The following RPIA variants were observed in gnomAD, a reference collection of about 807,000 sequenced individuals.
RPIA encodes ribose-5-phosphate isomerase.
RPIA carries 29 observed loss-of-function variants against 37.8 expected under a neutral mutation model. The ratio of observed to expected loss-of-function variants is 0.77; its 90% CI spans 0.57 to 1.05. The LOEUF is 1.05. RPIA is among the 50% of genes least tolerant of loss of function. RPIA has a pLI of 0.00. For synonymous variants in RPIA, 167 were observed against 157.0 expected (o/e 1.06, Z -0.48); for missense variants, 385 against 413.6 (o/e 0.93, Z 0.60).
chr2:88,729,577 G>C (rs967198024), intron 4 of RPIA, among the ~76,000 whole-genome samples: 2 of 152,200 alleles, frequency 1.3e-5, no homozygotes, highest in African/African-American at 4.8e-5. Context: ...TGTAGTGAAG[G>C]GAAGTGGGCA....
At chr2:88,741,576 C>T (rs1018262143) in intron 8 of RPIA, among the ~76,000 whole-genome samples, 1 of 152,198 alleles carries the variant, frequency 6.6e-6, no homozygotes, top group Non-Finnish European at 1.5e-5. Flanking sequence ...TTCTTTTCCT[C>T]TGGGTAGATA....
At position 88,750,231 on chromosome 2, in the gene RPIA, CTTATGA is replaced by C; in HGVS notation, c.*154_*159del. 1 of 617,346 alleles carries C rather than the reference CTTATGA, an allele frequency of 1.6e-6. No individual in the cohort carries two copies. The allele number at this position is 617,346 out of a possible 1,614,324, so 38.2% of individuals were successfully genotyped here. Reference sequence around the variant, plus strand: ...AGTGGGAGGGGGAGTTAAATCCAGTCTTATGAAGTATTGTTATTAAATGTCTTTTTA... The same window carrying C: ...AGTGGGAGGGGGAGTTAAATCCAGTCAGTATTGTTATTAAATGTCTTTTTA... On this transcript the variant is annotated 3_prime_UTR_variant, in exon 9 of 9. Transcript: ENST00000283646.
At chr2:88,718,663 G>A (rs1673065999) in intron 3 of RPIA, among the ~76,000 whole-genome samples, 1 of 152,196 alleles carries the variant, frequency 6.6e-6, no homozygotes, top group Non-Finnish European at 1.5e-5. Flanking sequence ...CACCATTCAA[G>A]TTAAAGCCTT....
chr2:88,729,090 C>T (rs937284208), intron 3 of RPIA, among the ~76,000 whole-genome samples, 188 bp from the exon 4 acceptor site: 2 of 152,224 alleles, frequency 1.3e-5, no homozygotes, highest in African/African-American at 4.8e-5. Context: ...CTTTTCCCAG[C>T]TCCCAGGTTG....
intron 3 of RPIA, among the ~76,000 whole-genome samples, chr2:88,724,268 A>G (rs1375495073): frequency 6.6e-6 from 1 of 152,054 alleles, no homozygotes; most frequent in Non-Finnish European, 1.5e-5. Flanking sequence ...AATTGAAAGA[A>G]ACTTTTGCCT....
intron 4 of RPIA, 61 bp downstream of exon 4, chr2:88,729,398 A>G (rs1673238049): frequency 1.4e-6 from 2 of 1,463,904 alleles, no homozygotes; most frequent in Non-Finnish European, 1.9e-6. Context: ...TATGGCTGTC[A>G]CTTGTTCATG....
chr2:88,722,498 G>A (rs192052643), intron 3 of RPIA, among the ~76,000 whole-genome samples: 25 of 152,074 alleles, frequency 1.6e-4, no homozygotes, highest in Admixed American at 8.5e-4. Context: ...TGCAAAATTC[G>A]GAGACAGTGA....
At chr2:88,722,177 G>A (rs1201406203) in intron 3 of RPIA, among the ~76,000 whole-genome samples, 2 of 150,722 alleles carry the variant, frequency 1.3e-5, no homozygotes, top group African/African-American at 4.9e-5. Flanking sequence ...TTTTTTTATA[G>A]CTTTCTTTAC....
intron 3 of RPIA, among the ~76,000 whole-genome samples, chr2:88,710,941 C>T (rs2104092354): frequency 6.6e-6 from 1 of 152,322 alleles, no homozygotes; most frequent in Non-Finnish European, 1.5e-5. Context: ...GAGAAACTCG[C>T]CTGCTGAAGC....
At chr2:88,696,552 G>GTA (rs1239468270) in intron 1 of RPIA, among the ~76,000 whole-genome samples, 2 of 151,618 alleles carry the variant, frequency 1.3e-5, no homozygotes, top group South Asian at 2.1e-4. Context: ...AAGATATATT[G>GTA]TATATCTTGT....
chr2:88,707,531 C>T (rs536654580), intron 3 of RPIA, among the ~76,000 whole-genome samples: 1 of 152,258 alleles, frequency 6.6e-6, no homozygotes, highest in East Asian at 1.9e-4. Context: ...GCAGTTACCC[C>T]TAGATACAGT....
chr2:88,698,517 A>G lies in RPIA; in HGVS notation c.319A>G (p.Thr107Ala). 3 of 1,614,170 alleles carry G rather than the reference A, an allele frequency of 1.9e-6. No homozygotes were observed. The highest frequency in any genetic ancestry group is 2.2e-5 in the East Asian group (1 of 44,888). Reference protein sequence around the residue: ...NQVLGIGSGSTIVHAVQRIAE... With the variant: ...NQVLGIGSGSAIVHAVQRIAE... The stretch of plus-strand genomic sequence containing the variant: ...AGTGCTGGGAATTGGAAGTGGTTCT[A>G]CAATTGTCCATGCTGTGCAGCGAAT... The change falls in exon 2 of 9, where the codon ACA (threonine) becomes GCA (alanine). Residue 107 changes from threonine (T) to alanine (A), a missense_variant. Physicochemically the swap from Thr to Ala is moderately conservative, Grantham distance 58 (BLOSUM62 0). Around this residue, in one of 2 missense-constraint regions of RPIA, gnomAD observed 232 missense variants for 203.0 expected, o/e 1.14. Coordinates refer to ENST00000283646, the MANE Select transcript of RPIA (RefSeq NM_144563.3).
chr2:88,691,969 G>A lies in RPIA; in HGVS notation c.271G>A (p.Glu91Lys). ...GAAGCTGGCGGGCCGCGCGGCTGTGGAGAACCACGTGAGGGTGAGCACTTC... is the reference window on the plus strand; with the variant it reads ...GAAGCTGGCGGGCCGCGCGGCTGTGAAGAACCACGTGAGGGTGAGCACTTC... Reference protein sequence around the residue: ...AKKLAGRAAVENHVRNNQVLG... With the variant: ...AKKLAGRAAVKNHVRNNQVLG... The change falls in exon 1 of 9, where the codon GAG becomes AAG. Residue 91 changes from glutamate (E) to lysine (K), a missense_variant. Physicochemically the swap from Glu to Lys is moderately conservative, Grantham distance 56. Around this residue, in one of 2 missense-constraint regions of RPIA, gnomAD observed 232 missense variants for 203.0 expected, o/e 1.14. Transcript: ENST00000283646. The A allele has an allele frequency of 6.3e-7, 1 of 1,589,808 alleles. No individual in the cohort carries two copies.
Position 88,735,739 on chromosome 2 carries a change from T to G in RPIA, c.596+2T>G. On this transcript the variant is annotated splice_donor_variant, in intron 6 of 8. Transcript: ENST00000283646. LOFTEE classifies it high-confidence loss of function. ...CTTCATCGTGATCGCTGATTTCAGG[T>G]ACAGTTTCTGGTGTCTGAGCTGCCA... The G allele has an allele frequency of 6.2e-7, 1 of 1,613,890 alleles. No homozygotes were observed. The highest frequency in any genetic ancestry group is 8.5e-7 in the Non-Finnish European group (1 of 1,179,800).
rs571524139 is a variant in RPIA, at chr2:88,745,762, G to A, written c.839-4219G>A. Among the ~76,000 whole-genome samples, 9 of 152,260 alleles carry A rather than the reference G, an allele frequency of 5.9e-5. No homozygotes were observed. The South Asian group carries it at 6.2e-4, about 11-fold the overall frequency. ...CCTGATGACTATATGCCTAGGTGGT[G>A]ATCTTTTTGCAATGAATTTCCTGAG... On this transcript the variant is annotated intron_variant, in intron 8 of 8. Transcript: ENST00000283646.
intron 3 of RPIA, among the ~76,000 whole-genome samples, chr2:88,703,089 G>T (rs1485052805): frequency 6.6e-6 from 1 of 152,178 alleles, no homozygotes; most frequent in Non-Finnish European, 1.5e-5. Context: ...CTAGAGGTGG[G>T]TGCCCATGGT....
chr2:88,713,118 A>ATTT (rs1180342481), intron 3 of RPIA, among the ~76,000 whole-genome samples: 15 of 45,308 alleles, frequency 3.3e-4, no homozygotes, highest in African/African-American at 1.6e-3. Flanking sequence ...ATATATATAT[A>ATTT]TATTTTTTTT....
intron 3 of RPIA, among the ~76,000 whole-genome samples, chr2:88,718,925 A>G (rs913798609): frequency 6.6e-6 from 1 of 152,224 alleles, no homozygotes; most frequent in African/African-American, 2.4e-5. Context: ...AGAAAGGATC[A>G]GCAACGTCTT....
At chr2:88,736,456 C>G in intron 6 of RPIA, 79 bp from the exon 7 acceptor site, 5 of 1,509,876 alleles carry the variant, frequency 3.3e-6, no homozygotes, top group Non-Finnish European at 4.6e-6. Flanking sequence ...ATCTCATTAA[C>G]CCTGTTCCTG....
Sources: allele counts gnomAD v4.1 joint callset (sites outside exome capture counted in the v4.1 genomes callset), GRCh38; gene constraint gnomAD v4.1.1; regional missense constraint gnomAD v4.1.1; transcripts MANE v1.5; gene names NCBI Gene and HGNC (gene_info 2026-07-23, HGNC 2026-07-21).